Variants in AQP1 observed in about 807,000 individuals in gnomAD.
The protein encoded by AQP1 is aquaporin 1 (Colton blood group).
A neutral mutation model predicts 19.7 loss-of-function variants in AQP1; 11 were observed. The ratio of observed to expected loss-of-function variants is 0.56; its 90% CI spans 0.35 to 0.92. The LOEUF (loss-of-function observed/expected upper bound fraction) is 0.92, where lower values mean the gene tolerates loss of function less well. AQP1 is among the 40% of genes least tolerant of loss of function. The probability of loss-of-function intolerance (pLI) is 0.01; values close to 1 mark genes in which losing one functional copy is unlikely to be tolerated. For missense variants in AQP1, 320 were observed against 369.7 expected, an observed-to-expected ratio of 0.87 and a Z score of 1.10; for synonymous variants, 159 against 166.7, an observed-to-expected ratio of 0.95 and a Z score of 0.36.
intron 1 of AQP1, among the ~76,000 whole-genome samples, chr7:30,919,969 C>A (rs1015461155): frequency 1.3e-5 from 2 of 152,184 alleles, no homozygotes; most frequent in African/African-American, 2.4e-5. Flanking sequence ...TTCCAGAATT[C>A]CCAGGGCAGG....
chr7:30,917,441 G>A (rs148636784), intron 1 of AQP1, among the ~76,000 whole-genome samples: 134 of 152,316 alleles, frequency 8.8e-4, no homozygotes, highest in African/African-American at 3.0e-3. Context: ...AGATGAAATG[G>A]CTTCTGGGAG....
rs1055961964 is a variant in AQP1, at chr7:30,925,378, A to AG, written c.*1753dup. On this transcript the variant is annotated 3_prime_UTR_variant, in exon 4 of 4. Transcript: ENST00000311813. ...TGGGGAGAGTTGTGATGGAGGGGAG[A>AG]GGGGTCACACCCACCCCCTGCCTGG... 4 of 152,166 alleles carry AG rather than the reference A, an allele frequency of 2.6e-5. No individual in the cohort carries two copies. The highest frequency in any genetic ancestry group is 9.7e-5 in the African/African-American group (4 of 41,420). The allele number at this position is 152,166 out of a possible 1,614,324, so 9.4% of individuals were successfully genotyped here.
intron 1 of AQP1, among the ~76,000 whole-genome samples, chr7:30,920,237 C>G (rs1209354646): frequency 2.0e-5 from 3 of 152,110 alleles, no homozygotes; most frequent in Non-Finnish European, 4.4e-5. Context: ...AGGACTTCTG[C>G]CAGCTAGCAA....
Position 30,912,035 on chromosome 7 carries a change from C to A in AQP1, c.126C>A (p.Asn42Lys). The A allele has an allele frequency of 1.2e-6, 2 of 1,613,516 alleles. No individual in the cohort carries two copies. Among genetic ancestry groups the A allele is most frequent in the East Asian group, 2.2e-5 (1 of 44,882 alleles). Residue 42 changes from asparagine (N) to lysine (K), a missense_variant, in exon 1 of 4, where the codon AAC becomes AAA. Asn to Lys is a moderately conservative substitution (Grantham distance 94, BLOSUM62 0). Coordinates refer to ENST00000311813, the MANE Select transcript of AQP1 (RefSeq NM_198098.4). The surrounding 1 kb of genome is among the most constrained non-coding windows in gnomAD (Gnocchi z 4.3). ...GCTTCAAATACCCGGTGGGGAACAA[C>A]CAGACGGCGGTCCAGGACAACGTGA... ...ALGFKYPVGN[N>K]QTAVQDNVKV... is the part of the protein sequence containing the mutation.
chr7:30,921,172 G>T, intron 1 of AQP1: 1 of 655,820 alleles, frequency 1.5e-6, no homozygotes, highest in Non-Finnish European at 1.9e-6. Context: ...CCCCTGGGAC[G>T]GCCACAAAGC....
In AQP1 at chr7:30,924,137, G is replaced by A; in HGVS notation, c.*508G>A. The stretch of plus-strand genomic sequence containing the variant: ...GGGCAAGCTTTGCTCCTTCAGTTCT[G>A]CTTGCTCCCAAGCCCCTGACCCGCT... On this transcript the variant is annotated 3_prime_UTR_variant, in exon 4 of 4. Transcript: ENST00000311813. 1 of 1,187,122 alleles carries A rather than the reference G, an allele frequency of 8.4e-7. No homozygotes were observed. The highest frequency in any genetic ancestry group is 1.1e-6 in the Non-Finnish European group (1 of 941,050). 73.5% of individuals were successfully genotyped at this position (1,187,122 alleles called of 1,614,324 possible).
rs180936597 is a variant in AQP1 at position 30,923,807 on chromosome 7, T to G, written c.*178T>G. 4.3e-4 allele frequency: 660 copies of G among 1,520,702 alleles called. No homozygotes were observed. The highest frequency in any genetic ancestry group is 5.8e-4 in the Admixed American group (29 of 50,260). The allele number at this position is 1,520,702 out of a possible 1,614,324, so 94.2% of individuals were successfully genotyped here. A position where few individuals can be genotyped will look rare whatever the true frequency, so the allele number is the denominator to read the frequency against. ...GGGTGTTTCTATCTCTTTCTTTCTC[T>G]TTCTGTTTCCTGGCCTCAGAGCTTC... On this transcript the variant is annotated 3_prime_UTR_variant, in exon 4 of 4. Coordinates refer to ENST00000311813, the MANE Select transcript of AQP1 (RefSeq NM_198098.4). This position sits in a 1 kb window ranked among gnomAD's most constrained non-coding sequence, Gnocchi z 4.8.
In AQP1 at chr7:30,923,305, G is replaced by A. The variant is rs1791577234; in HGVS notation, c.631-145G>A. 1 of 1,481,580 alleles carries A rather than the reference G, an allele frequency of 6.7e-7. No individual in the cohort carries two copies. The allele number at this position is 1,481,580 out of a possible 1,614,324, so 91.8% of individuals were successfully genotyped here. The stretch of plus-strand genomic sequence containing the variant: ...CGGTTCTGAGGGGCACCGGAATCAT[G>A]ATGTTAGGATTTGGCTCTCCTACCT... On this transcript the variant is annotated intron_variant, in intron 3 of 3. Coordinates refer to ENST00000311813, the MANE Select transcript of AQP1 (RefSeq NM_198098.4). This position sits in a 1 kb window ranked among gnomAD's most constrained non-coding sequence, Gnocchi z 4.8.
Position 30,912,268 on chromosome 7 carries a change from C to T in AQP1, c.359C>T (p.Thr120Ile). 2 of 1,604,438 alleles carry T rather than the reference C, an allele frequency of 1.2e-6. No homozygotes were observed. The highest frequency in any genetic ancestry group is 1.7e-6 in the Non-Finnish European group (2 of 1,179,630). ...CTCTCAGGCATCACCTCCTCCCTGA[C>T]TGGGAACTCGCTTGGCCGCAATGAC... The part of the protein sequence containing the change: ...AILSGITSSL[T>I]GNSLGRNDLA... The change falls in exon 1 of 4, where the codon ACT becomes ATT. Residue 120 changes from threonine (T) to isoleucine (I), a missense_variant. Thr to Ile is a moderately conservative substitution (Grantham distance 89). Coordinates refer to ENST00000311813, the MANE Select transcript of AQP1 (RefSeq NM_198098.4). This position sits in a 1 kb window ranked among gnomAD's most constrained non-coding sequence, Gnocchi z 4.3.
chr7:30,913,289 A>G (rs780984165), intron 1 of AQP1: 2 of 152,268 alleles, frequency 1.3e-5, no homozygotes, highest in Non-Finnish European at 2.9e-5. Flanking sequence ...CCAGCTCCTC[A>G]GACAAGTGCA....
At chr7:30,921,714 C>T (rs552531843) in intron 1 of AQP1, 2 of 1,551,046 alleles carry the variant, frequency 1.3e-6, no homozygotes, top group East Asian at 2.4e-5. Flanking sequence ...ATGCCTGGGG[C>T]TCGCCCCTTG....
chr7:30,923,404 G>A lies in AQP1; in HGVS notation c.631-46G>A. 2.5e-6 allele frequency: 4 copies of A among 1,612,808 alleles called. No homozygotes were observed. Among genetic ancestry groups the A allele is most frequent in the Non-Finnish European group, 3.4e-6 (4 of 1,179,678 alleles). On this transcript the variant is annotated intron_variant, in intron 3 of 3. Transcript: ENST00000311813. The surrounding 1 kb of genome is among the most constrained non-coding windows in gnomAD (Gnocchi z 4.8). ...GGGGTAACCTAGGGAACGCTTCCCA[G>A]GGGCTTTTGAGTGGAGCCCTCTGAA...
intron 1 of AQP1, among the ~76,000 whole-genome samples, chr7:30,913,724 A>G (rs1791230716): frequency 6.6e-6 from 1 of 152,112 alleles, no homozygotes; most frequent in Admixed American, 6.5e-5. Context: ...TCTGCAGCCA[A>G]CCTCTGCTAG....
chr7:30,916,840 C>T (rs1186867053), intron 1 of AQP1, among the ~76,000 whole-genome samples: 2 of 152,068 alleles, frequency 1.3e-5, no homozygotes, highest in South Asian at 4.2e-4. Flanking sequence ...AAGCTCCCTG[C>T]CATTAGGGGT....
At position 30,923,131 on chromosome 7, in the gene AQP1, C is replaced by G. The variant is rs1791572391; in HGVS notation, c.631-319C>G. Reference sequence around the variant, plus strand: ...TGTGGATGTGGATGTGCTAGGCCAGCTTTGCATTAGACAATGGTCTCTGGG... The same window carrying G: ...TGTGGATGTGGATGTGCTAGGCCAGGTTTGCATTAGACAATGGTCTCTGGG... On this transcript the variant is annotated intron_variant, in intron 3 of 3. Transcript: ENST00000311813. This position sits in a 1 kb window ranked among gnomAD's most constrained non-coding sequence, Gnocchi z 4.8. Among the ~76,000 whole-genome samples, 1 of 152,254 alleles carries G rather than the reference C, an allele frequency of 6.6e-6. No homozygotes were observed. The highest frequency in any genetic ancestry group is 2.4e-5 in the African/African-American group (1 of 41,468).
chr7:30,922,663 G>A lies in AQP1; in HGVS notation c.630+19G>A, dbSNP rs1222023166. ...CCACTGGGTAGGAGACCCACGGGGGGTGGGGTGGGAAGCTTTGGTGTCCCA... is the reference window on the plus strand; with the variant it reads ...CCACTGGGTAGGAGACCCACGGGGGATGGGGTGGGAAGCTTTGGTGTCCCA... On this transcript the variant is annotated intron_variant, in intron 3 of 3. Transcript: ENST00000311813. 1.9e-6 allele frequency: 3 copies of A among 1,610,544 alleles called. No individual in the cohort carries two copies. Among genetic ancestry groups the A allele is most frequent in the East Asian group, 2.2e-5 (1 of 44,852 alleles).
intron 1 of AQP1, among the ~76,000 whole-genome samples, chr7:30,916,290 G>A (rs188636986): frequency 1.1e-3 from 170 of 152,326 alleles, no homozygotes; most frequent in Admixed American, 2.7e-3. Flanking sequence ...CTCCACCCCA[G>A]GCAACCTTCT....
intron 1 of AQP1, 38 bp from the exon 2 acceptor site, chr7:30,922,028 C>T (rs775533006): frequency 6.2e-7 from 1 of 1,612,072 alleles, no homozygotes; most frequent in Non-Finnish European, 8.5e-7. Context: ...TCCCTGCCTA[C>T]CCTCCTCACC....
chr7:30,921,379 A>C, intron 1 of AQP1: 6 of 1,397,450 alleles, frequency 4.3e-6, no homozygotes, highest in Middle Eastern at 5.1e-4. Flanking sequence ...GGTGAGGCTG[A>C]GGCCAGCAGT....
Sources: allele counts gnomAD v4.1 joint callset (sites outside exome capture counted in the v4.1 genomes callset), GRCh38; gene constraint gnomAD v4.1.1; non-coding constraint Gnocchi (gnomAD v3.1); transcripts MANE v1.5; gene names NCBI Gene and HGNC (gene_info 2026-07-23, HGNC 2026-07-21).